Variants in KCTD16 observed in about 807,000 individuals in gnomAD.
KCTD16 encodes the protein potassium channel tetramerization domain containing 16.
Under a neutral mutation model 33.2 loss-of-function variants are expected in KCTD16, and 13 were observed. The observed-to-expected ratio is 0.39, with a 90% CI of 0.25 to 0.62. The LOEUF (loss-of-function observed/expected upper bound fraction) is 0.62, where lower values mean the gene tolerates loss of function less well. Ranked by LOEUF, KCTD16 falls within the 20% of genes least tolerant of loss-of-function variation. The pLI, the probability that KCTD16 is intolerant of heterozygous loss-of-function variation, is 0.50. For missense variants in KCTD16, 441 were observed against 525.1 expected (o/e 0.84, Z 1.57); for synonymous variants, 197 against 195.3 (o/e 1.01, Z -0.07).
At chr5:144,346,484 C>T (rs1450959908) in intron 3 of KCTD16, among the ~76,000 whole-genome samples, 3 of 152,016 alleles carry the variant, frequency 2.0e-5, no homozygotes, top group Non-Finnish European at 2.9e-5. Flanking sequence ...ACAGTGTACA[C>T]CGAAGATTCC....
chr5:144,295,812 G>A (rs1756020299), intron 3 of KCTD16, among the ~76,000 whole-genome samples: 1 of 152,168 alleles, frequency 6.6e-6, no homozygotes, highest in African/African-American at 2.4e-5. Flanking sequence ...ATAGATATAA[G>A]TGACACTGCT....
rs143879242 is a variant in KCTD16 at position 144,191,265 on chromosome 5, T to C, written c.-326-15124T>C. On this transcript the variant is annotated intron_variant, in intron 2 of 3. Transcript: ENST00000512467. ...GGTAGATGAGTTCTGAGTTACTCTG[T>C]AGAAGTGGTGGTCGTTGAGAAACTT... Among the ~76,000 whole-genome samples the C allele has an allele frequency of 3.9e-3, 597 of 152,268 alleles. 5 individuals carry two copies. The highest frequency in any genetic ancestry group is 0.013 in the African/African-American group (543 of 41,554).
chr5:144,346,068 T>G (rs1419322032), intron 3 of KCTD16, among the ~76,000 whole-genome samples: 5 of 151,986 alleles, frequency 3.3e-5, no homozygotes, highest in Non-Finnish European at 5.9e-5. Flanking sequence ...GTTCAATTGT[T>G]TTGATTTTTA....
At chr5:144,436,033 T>C (rs1263978925) in intron 3 of KCTD16, among the ~76,000 whole-genome samples, 2 of 152,218 alleles carry the variant, frequency 1.3e-5, no homozygotes, top group Non-Finnish European at 2.9e-5. Flanking sequence ...AGAACAGTTG[T>C]GCTTGTAGGA....
rs191108778 is a variant in KCTD16 at position 144,210,149 on chromosome 5, A to C, written c.832+2603A>C. ...TCCAAGAAAAATTGGGGAGACCGAAATCTACCTATCAACCATGAATAAGTT... is the reference window on the plus strand; with the variant it reads ...TCCAAGAAAAATTGGGGAGACCGAACTCTACCTATCAACCATGAATAAGTT... On this transcript the variant is annotated intron_variant, in intron 3 of 3. Coordinates refer to ENST00000512467, the MANE Select transcript of KCTD16 (RefSeq NM_020768.4). Among the ~76,000 whole-genome samples, 835 of 152,124 alleles carry C rather than the reference A, an allele frequency of 5.5e-3. 8 individuals carry two copies. Among genetic ancestry groups the C allele is most frequent in the African/African-American group, 0.019 (798 of 41,500 alleles).
chr5:144,325,802 C>A (rs1278721585), intron 3 of KCTD16, among the ~76,000 whole-genome samples: 2 of 152,132 alleles, frequency 1.3e-5, no homozygotes, highest in Non-Finnish European at 2.9e-5. Context: ...TGTTTCCCCT[C>A]ACCCCTTGAT....
intron 3 of KCTD16, among the ~76,000 whole-genome samples, chr5:144,446,074 A>G (rs1753811705): frequency 6.6e-6 from 1 of 151,864 alleles, no homozygotes; most frequent in East Asian, 1.9e-4. Context: ...TTGTGATTGT[A>G]GATGATTTGT....
At chr5:144,454,167 G>C (rs557587614) in intron 3 of KCTD16, among the ~76,000 whole-genome samples, 2 of 152,234 alleles carry the variant, frequency 1.3e-5, no homozygotes, top group South Asian at 2.1e-4. Context: ...TCAAATCCTT[G>C]TGCTATGTAT....
intron 3 of KCTD16, 87 bp from the exon 4 acceptor site, chr5:144,473,573 G>T (rs1396396310): frequency 8.1e-7 from 1 of 1,236,228 alleles, no homozygotes; most frequent in Non-Finnish European, 1.1e-6. Context: ...TCTCTTATGT[G>T]TGTTTCTGTG....
intron 2 of KCTD16, among the ~76,000 whole-genome samples, chr5:144,190,149 A>G (rs1752812618): frequency 6.6e-6 from 1 of 152,152 alleles, no homozygotes; most frequent in Non-Finnish European, 1.5e-5. Flanking sequence ...TTATACCTCT[A>G]TTATAGCTCC....
At chr5:144,261,167 C>CAAAAAAAAAAAAA (rs1299878040) in intron 3 of KCTD16, among the ~76,000 whole-genome samples, 568 of 76,186 alleles carry the variant, frequency 7.5e-3, no homozygotes, top group East Asian at 0.01. Context: ...GGAACAACAA[C>CAAAAAAAAAAAAA]AAAAAAAAAA....
intron 3 of KCTD16, among the ~76,000 whole-genome samples, chr5:144,391,745 G>A (rs1331103506): frequency 1.3e-5 from 2 of 152,216 alleles, no homozygotes; most frequent in Non-Finnish European, 2.9e-5. Flanking sequence ...TGTAAACTGT[G>A]AAGTGTAAAC....
chr5:144,201,653 T>C (rs1340235502), intron 2 of KCTD16, among the ~76,000 whole-genome samples: 1 of 152,198 alleles, frequency 6.6e-6, no homozygotes, highest in South Asian at 2.1e-4. Context: ...ATACCCTGGC[T>C]CAGAGACATG....
intron 3 of KCTD16, among the ~76,000 whole-genome samples, chr5:144,398,741 T>G (rs972573438): frequency 6.7e-6 from 1 of 148,320 alleles, no homozygotes; most frequent in Non-Finnish European, 1.5e-5. Context: ...CTTATATAAA[T>G]GTACCCCAAA....
chr5:144,360,556 C>T (rs111662804), intron 3 of KCTD16, among the ~76,000 whole-genome samples: 1 of 151,972 alleles, frequency 6.6e-6, no homozygotes, highest in Non-Finnish European at 1.5e-5. Context: ...CTCAGCCTCC[C>T]AAGTAGCTGG....
At chr5:144,256,926 C>A (rs1456759467) in intron 3 of KCTD16, among the ~76,000 whole-genome samples, 2 of 152,104 alleles carry the variant, frequency 1.3e-5, no homozygotes, top group Non-Finnish European at 1.5e-5. Context: ...TTAGTGATAT[C>A]TTAAAAATCT....
At chr5:144,302,993 A>C (rs1193767094) in intron 3 of KCTD16, among the ~76,000 whole-genome samples, 2 of 152,222 alleles carry the variant, frequency 1.3e-5, no homozygotes, top group Admixed American at 1.3e-4. Flanking sequence ...TATATTGTAC[A>C]GGGAAATCTA....
At chr5:144,457,600 G>C (rs1248464648) in intron 3 of KCTD16, among the ~76,000 whole-genome samples, 1 of 152,188 alleles carries the variant, frequency 6.6e-6, no homozygotes, top group Non-Finnish European at 1.5e-5. Context: ...TCAAATATCT[G>C]ATCAAGAGCC....
At chr5:144,392,591 G>A (rs1403402200) in intron 3 of KCTD16, among the ~76,000 whole-genome samples, 1 of 152,194 alleles carries the variant, frequency 6.6e-6, no homozygotes, top group South Asian at 2.1e-4. Flanking sequence ...AATGTGGATG[G>A]CTGCGGTTGG....
Sources: allele counts gnomAD v4.1 joint callset (sites outside exome capture counted in the v4.1 genomes callset), GRCh38; gene constraint gnomAD v4.1.1; transcripts MANE v1.5; gene names NCBI Gene and HGNC (gene_info 2026-07-23, HGNC 2026-07-21).